STK3: variants seen among roughly 807,000 people sequenced by gnomAD.
The protein encoded by STK3 is serine/threonine kinase 3.
STK3 carries 41 observed loss-of-function variants against 58.0 expected under a neutral mutation model. That is an observed-to-expected ratio of 0.71 (90% CI 0.55 to 0.92). STK3 has a LOEUF of 0.92. STK3 is among the 40% of genes least tolerant of loss of function. The pLI, the probability that STK3 is intolerant of heterozygous loss-of-function variation, is 0.00. For missense variants in STK3, 479 were observed against 602.7 expected (o/e 0.79, Z 2.15); for synonymous variants, 170 against 191.0 (o/e 0.89, Z 0.91).
chr8:98,451,025 T>A (rs1007008859), downstream of STK3, among the ~76,000 whole-genome samples: 1 of 152,198 alleles, frequency 6.6e-6, no homozygotes, highest in Non-Finnish European at 1.5e-5. Context: ...TTTTCAGTCC[T>A]CCCTTTCTTT....
chr8:98,891,936 T>C (rs1838216382), intron 1 of STK3, among the ~76,000 whole-genome samples: 1 of 152,032 alleles, frequency 6.6e-6, no homozygotes, highest in South Asian at 2.1e-4. Flanking sequence ...CCACAAACTC[T>C]CCCAGTCCTA....
At chr8:98,575,080 T>G (rs1323250982) in intron 8 of STK3, among the ~76,000 whole-genome samples, 1 of 152,166 alleles carries the variant, frequency 6.6e-6, no homozygotes, top group African/African-American at 2.4e-5. Flanking sequence ...TGAAAGGAAC[T>G]GGACCCAAGG....
intron 10 of STK3, among the ~76,000 whole-genome samples, chr8:98,464,503 A>C (rs1820269474): frequency 6.8e-6 from 1 of 147,074 alleles, no homozygotes; most frequent in African/African-American, 2.5e-5. Context: ...TTTGCCCATA[A>C]GGCTGAGCCA....
At chr8:98,757,871 C>T (rs996069309) in intron 3 of STK3, among the ~76,000 whole-genome samples, 1 of 152,144 alleles carries the variant, frequency 6.6e-6, no homozygotes, top group African/African-American at 2.4e-5. Flanking sequence ...GGAAATAATA[C>T]AATCAAACTA....
At chr8:98,579,519 G>T (rs2131726404) in intron 8 of STK3, 145 bp downstream of exon 8, 1 of 1,030,064 alleles carries the variant, frequency 9.7e-7, no homozygotes, top group Non-Finnish European at 1.4e-6. Flanking sequence ...AAACATATAA[G>T]GCAAACCAAA....
At chr8:98,423,861 C>G (rs1386562833) in intron 3 of STK3, among the ~76,000 whole-genome samples, 1 of 152,178 alleles carries the variant, frequency 6.6e-6, no homozygotes, top group Non-Finnish European at 1.5e-5. Context: ...TAACAGTCGG[C>G]CAGGTGCAAG....
chr8:98,630,192 C>T (rs190180552), intron 6 of STK3, among the ~76,000 whole-genome samples: 3 of 152,308 alleles, frequency 2.0e-5, no homozygotes, highest in Admixed American at 1.3e-4. Context: ...GCCCTCTCCA[C>T]TTAGAAACTG....
In STK3 at chr8:98,777,123, T is replaced by C. The variant is rs188688547; in HGVS notation, c.27-2304A>G. On this transcript the variant is annotated intron_variant, in intron 1 of 10. Coordinates refer to ENST00000419617, the MANE Select transcript of STK3 (RefSeq NM_006281.4). ...AAAAGGTGTTTGACTTCCTTACATA[T>C]ACAAAAAAATACCTTCAGAGTCTGT... Among the ~76,000 whole-genome samples, 614 of 151,876 alleles carry C rather than the reference T, an allele frequency of 4.0e-3. 8 individuals carry two copies. The highest frequency in any genetic ancestry group is 1.9e-3 in the Non-Finnish European group (132 of 67,868).
intron 1 of STK3, among the ~76,000 whole-genome samples, chr8:98,893,486 GAGAAAGAA>G (rs570277403): frequency 0.041 from 1,757 of 42,860 alleles, 63 homozygotes; most frequent in South Asian, 0.062. Flanking sequence ...AAGAAAGAAA[GAGAAAGAA>G]AGAAAGAAAG....
chr8:98,878,662 C>T (rs1193085996), intron 3 of STK3, among the ~76,000 whole-genome samples: 1 of 152,284 alleles, frequency 6.6e-6, no homozygotes, highest in South Asian at 2.1e-4. Context: ...GATAAGAACA[C>T]CTTCCCCTTT....
Position 98,644,025 on chromosome 8 carries a change from A to G in STK3, c.685-47856T>C, listed in dbSNP as rs151280589. On this transcript the variant is annotated intron_variant, in intron 6 of 10. Coordinates refer to ENST00000419617, the MANE Select transcript of STK3 (RefSeq NM_006281.4). ...CAAAGACCCCAACTCAACAATAATA[A>G]TAACAACCACAATAATAATAATACT... Among the ~76,000 whole-genome samples the G allele has an allele frequency of 6.1e-3, 936 of 152,294 alleles. 14 individuals are homozygous for G. The highest frequency in any genetic ancestry group is 0.021 in the African/African-American group (891 of 41,566).
intron 7 of STK3, among the ~76,000 whole-genome samples, chr8:98,589,246 T>C (rs915255015): frequency 1.3e-5 from 2 of 152,202 alleles, no homozygotes; most frequent in African/African-American, 4.8e-5. Flanking sequence ...CTTTTGGTCT[T>C]TGATGATGGT....
chr8:98,553,956 G>GGA (rs1218573511), intron 8 of STK3, among the ~76,000 whole-genome samples: 5 of 140,540 alleles, frequency 3.6e-5, no homozygotes, highest in Admixed American at 7.1e-5. Flanking sequence ...ATCCCAAAGG[G>GGA]AAAAAAAAAA....
chr8:98,764,184 A>C (rs928042892), intron 3 of STK3, among the ~76,000 whole-genome samples: 1 of 152,262 alleles, frequency 6.6e-6, no homozygotes, highest in Non-Finnish European at 1.5e-5. Context: ...GCATTCTGCT[A>C]TAAAGTGGTA....
intron 7 of STK3, among the ~76,000 whole-genome samples, chr8:98,593,881 A>AT (rs1453191980): frequency 6.6e-6 from 1 of 152,004 alleles, no homozygotes; most frequent in Non-Finnish European, 1.5e-5. Flanking sequence ...GCCAAAGATA[A>AT]TTATCCTACC....
chr8:98,481,621 C>G (rs560397365), intron 10 of STK3, among the ~76,000 whole-genome samples: 2 of 151,826 alleles, frequency 1.3e-5, no homozygotes, highest in Non-Finnish European at 2.9e-5. Context: ...AAATCACCTA[C>G]TGGGTACACT....
intron 3 of STK3, among the ~76,000 whole-genome samples, chr8:98,402,316 C>A (rs1219931088): frequency 6.6e-6 from 1 of 152,168 alleles, no homozygotes; most frequent in Non-Finnish European, 1.5e-5. Flanking sequence ...GATCTGCATA[C>A]CACTGTGGAG....
chr8:98,606,682 C>A (rs1816799544), intron 6 of STK3, among the ~76,000 whole-genome samples: 1 of 152,188 alleles, frequency 6.6e-6, no homozygotes, highest in Non-Finnish European at 1.5e-5. Flanking sequence ...TACATCTAGG[C>A]TTAGCAGAGC....
chr8:98,439,595 G>C (rs879382710), intron 1 of STK3, among the ~76,000 whole-genome samples: 36 of 152,126 alleles, frequency 2.4e-4, no homozygotes, highest in African/African-American at 8.0e-4. Context: ...ATCCCTCTGA[G>C]GCAGGGTTCA....
Sources: allele counts gnomAD v4.1 joint callset (sites outside exome capture counted in the v4.1 genomes callset), GRCh38; gene constraint gnomAD v4.1.1; transcripts MANE v1.5; gene names NCBI Gene and HGNC (gene_info 2026-07-23, HGNC 2026-07-21).